GPD2: variants seen among roughly 807,000 people sequenced by gnomAD.
GPD2 encodes the protein glycerol-3-phosphate dehydrogenase, mitochondrial.
Under a neutral mutation model 82.4 loss-of-function variants are expected in GPD2, and 54 were observed. The observed-to-expected ratio is 0.66, with a 90% confidence interval of 0.53 to 0.82. GPD2 has a LOEUF of 0.82. Ranked by LOEUF, GPD2 falls within the 40% of genes least tolerant of loss-of-function variation. The pLI is 0.00. For synonymous variants in GPD2, 288 were observed against 306.1 expected (o/e 0.94, Z 0.62); for missense variants, 748 against 896.2 (o/e 0.83, Z 2.11).
intron 6 of GPD2, 97 bp downstream of exon 6, chr2:156,513,593 A>G: frequency 1.1e-6 from 1 of 948,450 alleles, no homozygotes. Flanking sequence ...GCATCTTTAA[A>G]TACTAATCTT....
chr2:156,502,570 G>A (rs1191763627), intron 3 of GPD2, among the ~76,000 whole-genome samples: 1 of 152,132 alleles, frequency 6.6e-6, no homozygotes, highest in Non-Finnish European at 1.5e-5. Context: ...GGATCTAAAA[G>A]TGTGTGCCAC....
intron 1 of GPD2, among the ~76,000 whole-genome samples, chr2:156,461,260 C>G (rs995825895): frequency 2.7e-5 from 4 of 150,258 alleles, no homozygotes; most frequent in Non-Finnish European, 1.5e-5. Flanking sequence ...CCTTGACCTT[C>G]CAGGCTCTAC....
intron 6 of GPD2, among the ~76,000 whole-genome samples, chr2:156,528,918 A>G (rs997147934): frequency 3.3e-5 from 5 of 152,126 alleles, no homozygotes; most frequent in African/African-American, 4.8e-5. Context: ...GTGTCTTTAT[A>G]GCAGCATGAT....
chr2:156,475,995 T>A, intron 1 of GPD2, 103 bp from the exon 2 acceptor site: 1 of 721,244 alleles, frequency 1.4e-6, no homozygotes, highest in Non-Finnish European at 2.5e-6. Context: ...TTTTCTTTTC[T>A]AGTTTAACAT....
At chr2:156,569,278 T>C (rs1009076047) in intron 10 of GPD2, 85 bp from the exon 11 acceptor site, 15 of 900,086 alleles carry the variant, frequency 1.7e-5, no homozygotes, top group Non-Finnish European at 2.8e-5. Flanking sequence ...CAGGAAAATT[T>C]TGTTATTGGT....
At chr2:156,411,415 AAG>A in the GPD2 span, among the ~76,000 whole-genome samples, 1 of 152,020 alleles carries the variant, frequency 6.6e-6, no homozygotes, top group African/African-American at 2.4e-5. Flanking sequence ...TCCTGAATTC[AAG>A]CAATTCTCCT....
chr2:156,481,361 G>T (rs553653534), intron 2 of GPD2, among the ~76,000 whole-genome samples: 9 of 151,730 alleles, frequency 5.9e-5, no homozygotes, highest in Non-Finnish European at 1.0e-4. Flanking sequence ...CTAAATTATT[G>T]TTAACCATAT....
At chr2:156,511,516 A>C (rs1236698429) in intron 4 of GPD2, among the ~76,000 whole-genome samples, 1 of 152,162 alleles carries the variant, frequency 6.6e-6, no homozygotes, top group African/African-American at 2.4e-5. Context: ...CTGGCTTGAC[A>C]TTGTCAAGTT....
Position 156,489,397 on chromosome 2 carries a change from T to C in GPD2, c.103-6647T>C, listed in dbSNP as rs368536070. ...CTCTTCCCACTTCCTTTCCTGGTTT[T>C]TGTCACCCAGCTAATGCCTATTACT... On this transcript the variant is annotated intron_variant, in intron 2 of 16. Transcript: ENST00000438166. Among the ~76,000 whole-genome samples the C allele has an allele frequency of 3.9e-5, 6 of 152,330 alleles. No homozygotes were observed. In the East Asian group the frequency reaches 1.2e-3, roughly 29 times the overall value.
intron 2 of GPD2, among the ~76,000 whole-genome samples, chr2:156,484,917 A>G (rs537622873): frequency 6.6e-6 from 1 of 152,264 alleles, no homozygotes; most frequent in African/African-American, 2.4e-5. Context: ...CCCCTTGTTC[A>G]ACATCTGCTC....
chr2:156,403,502 C>G, the GPD2 span, among the ~76,000 whole-genome samples: 1 of 152,132 alleles, frequency 6.6e-6, no homozygotes, highest in Non-Finnish European at 1.5e-5. Context: ...AGGCTCTACA[C>G]CATCCTGACA....
chr2:156,512,476 G>C (rs1685037837), intron 5 of GPD2, among the ~76,000 whole-genome samples, 159 bp downstream of exon 5: 1 of 152,120 alleles, frequency 6.6e-6, no homozygotes, highest in South Asian at 2.1e-4. Flanking sequence ...GTATTTAAAA[G>C]TATGGCTTTT....
chr2:156,488,175 A>G (rs1184315130), intron 2 of GPD2, among the ~76,000 whole-genome samples: 2 of 152,266 alleles, frequency 1.3e-5, no homozygotes, highest in East Asian at 3.9e-4. Flanking sequence ...CTCACCGAAT[A>G]TGTTTACACT....
chr2:156,529,246 G>T (rs1685741113), intron 6 of GPD2, among the ~76,000 whole-genome samples: 1 of 151,456 alleles, frequency 6.6e-6, no homozygotes, highest in African/African-American at 2.4e-5. Flanking sequence ...CTTTTGAGAA[G>T]TGTCTGTTCA....
chr2:156,571,391 G>A, intron 13 of GPD2, 99 bp downstream of exon 13: 1 of 668,966 alleles, frequency 1.5e-6, no homozygotes, highest in African/African-American at 1.8e-5. Context: ...GATAACCTTA[G>A]ATTTCTTACC....
chr2:156,451,633 T>G, intron 1 of GPD2, among the ~76,000 whole-genome samples: 1 of 114,912 alleles, frequency 8.7e-6, no homozygotes, highest in Admixed American at 8.5e-5. Context: ...CACTTCCCAG[T>G]AGGGGCGGCT....
chr2:156,518,505 C>G (rs1287877717), intron 6 of GPD2, among the ~76,000 whole-genome samples: 1 of 152,170 alleles, frequency 6.6e-6, no homozygotes, highest in Non-Finnish European at 1.5e-5. Flanking sequence ...ATTGTGGAAT[C>G]CAGGCTCTTT....
At chr2:156,534,674 A>G (rs1474848342) in intron 6 of GPD2, among the ~76,000 whole-genome samples, 2 of 152,252 alleles carry the variant, frequency 1.3e-5, no homozygotes, top group African/African-American at 4.8e-5. Context: ...TAAGTAAGAT[A>G]GTATTCTCAG....
At chr2:156,528,875 C>T (rs931416718) in intron 6 of GPD2, among the ~76,000 whole-genome samples, 20 of 152,108 alleles carry the variant, frequency 1.3e-4, no homozygotes, top group Admixed American at 2.6e-4. Flanking sequence ...TCTTTGCTAT[C>T]GTGAATAATG....
Sources: allele counts gnomAD v4.1 joint callset (sites outside exome capture counted in the v4.1 genomes callset), GRCh38; gene constraint gnomAD v4.1.1; transcripts MANE v1.5; gene names NCBI Gene and HGNC (gene_info 2026-07-23, HGNC 2026-07-21).